Variants in CLPB observed in about 807,000 individuals in gnomAD.
CLPB encodes ClpB family mitochondrial disaggregase, also known as mitochondrial disaggregase.
A neutral mutation model predicts 78.4 loss-of-function variants in CLPB; 40 were observed. The ratio of observed to expected loss-of-function variants is 0.51; its 90% CI spans 0.40 to 0.66. The LOEUF (loss-of-function observed/expected upper bound fraction) is 0.66. Ranked by LOEUF, CLPB falls within the 30% of genes least tolerant of loss-of-function variation. The pLI is 0.00. For synonymous variants in CLPB, 333 were observed against 348.0 expected (o/e 0.96, Z 0.48); for missense variants, 780 against 886.9 (o/e 0.88, Z 1.53).
rs2135597310 is a variant in CLPB at position 72,354,578 on chromosome 11, T to C, written c.775+4302A>G. The C allele has an allele frequency of 8.2e-6, 3 of 366,726 alleles. No homozygotes were observed. In the East Asian group the frequency reaches 1.2e-4, roughly 14 times the overall value. 22.7% of individuals were successfully genotyped at this position (366,726 alleles called of 1,614,324 possible). A position where few individuals can be genotyped will look rare whatever the true frequency, so the allele number is the denominator to read the frequency against. ...CTTCCCTGATCACTCCTCTTTCTAG[T>C]CCTACTGCCTCTTCCCCACCTTCCT... On this transcript the variant is annotated intron_variant, in intron 5 of 15. Coordinates refer to ENST00000538039, the MANE Select transcript of CLPB (RefSeq NM_001258392.3).
chr11:72,426,193 C>T (rs1238374538), intron 2 of CLPB, among the ~76,000 whole-genome samples: 1 of 152,200 alleles, frequency 6.6e-6, no homozygotes, highest in Non-Finnish European at 1.5e-5. Flanking sequence ...AGAGGCCTAG[C>T]CCCCTGCTGG....
At chr11:72,331,444 T>C (rs1251013569) in intron 5 of CLPB, among the ~76,000 whole-genome samples, 3 of 152,000 alleles carry the variant, frequency 2.0e-5, no homozygotes, top group Non-Finnish European at 4.4e-5. Context: ...TCTCACTATG[T>C]TGCCCAGGCT....
intron 2 of CLPB, among the ~76,000 whole-genome samples, chr11:72,419,815 G>C (rs186194455): frequency 2.0e-5 from 3 of 152,282 alleles, no homozygotes; most frequent in Non-Finnish European, 4.4e-5. Context: ...TTCCTTTGCA[G>C]CATTTGTACT....
chr11:72,321,963 G>C (rs1950051954), intron 6 of CLPB, among the ~76,000 whole-genome samples: 2 of 151,508 alleles, frequency 1.3e-5, no homozygotes, highest in South Asian at 4.2e-4. Context: ...TAACAGATGA[G>C]ATGGTGGGGG....
At chr11:72,398,843 C>T (rs1347409776) in intron 3 of CLPB, among the ~76,000 whole-genome samples, 1 of 152,144 alleles carries the variant, frequency 6.6e-6, no homozygotes, top group Non-Finnish European at 1.5e-5. Flanking sequence ...AAAGGATTGT[C>T]CTAGTAGAAT....
chr11:72,427,141 T>G (rs1856407515), intron 2 of CLPB, among the ~76,000 whole-genome samples: 1 of 152,148 alleles, frequency 6.6e-6, no homozygotes, highest in East Asian at 1.9e-4. Flanking sequence ...GCCCATGGAC[T>G]GAAGATTCCA....
At chr11:72,428,473 AC>A (rs1346465026) in intron 2 of CLPB, among the ~76,000 whole-genome samples, 1 of 152,110 alleles carries the variant, frequency 6.6e-6, no homozygotes, top group East Asian at 1.9e-4. Flanking sequence ...CTTTTCTGAC[AC>A]CCTGTACAAA....
intron 5 of CLPB, among the ~76,000 whole-genome samples, chr11:72,346,367 G>GTA (rs1164438101): frequency 6.6e-6 from 1 of 152,032 alleles, no homozygotes; most frequent in Admixed American, 6.6e-5. Context: ...TAATGGATAT[G>GTA]TATATATATG....
At chr11:72,429,919 CA>C (rs1041365790) in intron 2 of CLPB, among the ~76,000 whole-genome samples, 3 of 152,236 alleles carry the variant, frequency 2.0e-5, no homozygotes, top group African/African-American at 7.2e-5. Flanking sequence ...AGCTCTGTCC[CA>C]AATCCCCAAG....
rs570946878 is a variant in CLPB, at chr11:72,294,457, G to C, written c.1561-13C>G. 1.1e-5 allele frequency: 18 copies of C among 1,614,042 alleles called. No individual in the cohort carries two copies. In the African/African-American group the frequency reaches 1.9e-4, roughly 17 times the overall value. On this transcript the variant is annotated splice_polypyrimidine_tract_variant and intron_variant, in intron 13 of 15. Coordinates refer to ENST00000538039, the MANE Select transcript of CLPB (RefSeq NM_001258392.3). Reference sequence around the variant, plus strand: ...TCCGGAAGTGAGCCTGAAGGGCCAGGTTAGGGGTGGGATGAGCTCAGTGAC... The same window carrying C: ...TCCGGAAGTGAGCCTGAAGGGCCAGCTTAGGGGTGGGATGAGCTCAGTGAC...
Position 72,404,286 on chromosome 11 carries a change from G to A in CLPB, c.456-1234C>T, listed in dbSNP as rs552883632. On this transcript the variant is annotated intron_variant, in intron 2 of 15. Transcript: ENST00000538039. ...AACACAGTGCCAAGAAAGGGAGGAG[G>A]GGTTTGGGAAGCTAGGAGGCTGTTT... Among the ~76,000 whole-genome samples the A allele has an allele frequency of 1.2e-3, 188 of 152,328 alleles. 1 individual carries two copies. Among genetic ancestry groups the A allele is most frequent in the African/African-American group, 4.0e-3 (167 of 41,576 alleles).
intron 9 of CLPB, chr11:72,304,100 T>C (rs537317145): frequency 3.9e-5 from 6 of 152,362 alleles, no homozygotes; most frequent in Admixed American, 3.3e-4. Flanking sequence ...ACCTGGGTTC[T>C]CACCCTAGTT....
At chr11:72,422,118 T>C (rs192246626) in intron 2 of CLPB, among the ~76,000 whole-genome samples, 16 of 149,618 alleles carry the variant, frequency 1.1e-4, no homozygotes, top group African/African-American at 3.7e-4. Context: ...ATACAAAAAA[T>C]TGGCCGGGCG....
chr11:72,341,635 T>C (rs1745245914), intron 5 of CLPB, among the ~76,000 whole-genome samples: 1 of 152,202 alleles, frequency 6.6e-6, no homozygotes, highest in African/African-American at 2.4e-5. Flanking sequence ...AAAACTATGC[T>C]AGGTAGTGAA....
At chr11:72,420,160 T>C (rs1225099070) in intron 2 of CLPB, among the ~76,000 whole-genome samples, 1 of 151,974 alleles carries the variant, frequency 6.6e-6, no homozygotes, top group African/African-American at 2.4e-5. Context: ...CTGTGCAACA[T>C]GATGAGATCT....
At chr11:72,348,091 AG>A (rs1950547502) in intron 5 of CLPB, among the ~76,000 whole-genome samples, 1 of 152,204 alleles carries the variant, frequency 6.6e-6, no homozygotes, top group Non-Finnish European at 1.5e-5. Context: ...CAGAACTATA[AG>A]ATAAATTTGT....
chr11:72,390,621 T>C (rs1438846257), intron 3 of CLPB, among the ~76,000 whole-genome samples: 1 of 152,204 alleles, frequency 6.6e-6, no homozygotes, highest in Non-Finnish European at 1.5e-5. Context: ...TAAAATGAGA[T>C]ATCACTGTAA....
intron 2 of CLPB, among the ~76,000 whole-genome samples, chr11:72,414,324 G>C (rs958267826): frequency 2.0e-5 from 3 of 152,206 alleles, no homozygotes; most frequent in Non-Finnish European, 4.4e-5. Flanking sequence ...AGGACCTGAG[G>C]TGTGGGAAAG....
At chr11:72,306,179 G>C (rs1244366275) in intron 9 of CLPB, among the ~76,000 whole-genome samples, 2 of 152,252 alleles carry the variant, frequency 1.3e-5, no homozygotes, top group African/African-American at 4.8e-5. Context: ...CAGAGCTAGG[G>C]GGAGTTTAAG....
Sources: gnomAD v4.1 joint callset for allele counts (sites outside exome capture counted in the v4.1 genomes callset) on GRCh38, gnomAD v4.1.1 for gene constraint, MANE v1.5 for transcripts, NCBI Gene and HGNC (gene_info 2026-07-23, HGNC 2026-07-21) for gene names.